The following THSD7B variants were observed in gnomAD, a reference collection of about 807,000 sequenced individuals.
THSD7B encodes thrombospondin type 1 domain containing 7B, also known as thrombospondin type-1 domain-containing protein 7B.
A neutral mutation model predicts 213.6 loss-of-function variants in THSD7B; 138 were observed. The ratio of observed to expected loss-of-function variants is 0.65; its 90% CI spans 0.56 to 0.74. The LOEUF is 0.74. THSD7B is among the 30% of genes least tolerant of loss of function. The pLI is 0.00. For synonymous variants in THSD7B, 742 were observed against 687.0 expected (o/e 1.08, Z -1.25); for missense variants, 1,931 against 1,991.5 (o/e 0.97, Z 0.58).
intron 3 of THSD7B, among the ~76,000 whole-genome samples, chr2:137,066,838 A>G (rs1358465902): frequency 6.6e-6 from 1 of 152,004 alleles, no homozygotes; most frequent in Non-Finnish European, 1.5e-5. Flanking sequence ...GTGTAGTTAC[A>G]TCATTTGTAG....
At chr2:137,454,299 T>G (rs1263872331) in intron 15 of THSD7B, among the ~76,000 whole-genome samples, 1 of 152,176 alleles carries the variant, frequency 6.6e-6, no homozygotes, top group Non-Finnish European at 1.5e-5. Context: ...GGACAATAAG[T>G]CCTTTCTCTC....
intron 2 of THSD7B, among the ~76,000 whole-genome samples, chr2:137,036,857 A>G (rs1384333474): frequency 1.3e-5 from 2 of 152,114 alleles, no homozygotes; most frequent in Non-Finnish European, 2.9e-5. Flanking sequence ...CTGTCCACTT[A>G]TGTCTCATTT....
intron 2 of THSD7B, among the ~76,000 whole-genome samples, chr2:137,043,569 G>C (rs949721052): frequency 6.6e-6 from 1 of 152,150 alleles, no homozygotes; most frequent in Non-Finnish European, 1.5e-5. Flanking sequence ...GGAAGCTTTT[G>C]TTTTAATTAT....
intron 2 of THSD7B, among the ~76,000 whole-genome samples, chr2:136,901,699 G>A (rs1684066481): frequency 6.6e-6 from 1 of 152,278 alleles, no homozygotes; most frequent in South Asian, 2.1e-4. Context: ...TCCCCCCAGG[G>A]AGTTTTATTT....
intron 2 of THSD7B, among the ~76,000 whole-genome samples, chr2:136,906,965 T>TTTTA (rs1491028452): frequency 9.7e-6 from 1 of 102,598 alleles, no homozygotes; most frequent in Non-Finnish European, 1.9e-5. Flanking sequence ...TTTTTTTTTT[T>TTTTA]AGAGGGTCTG....
intron 7 of THSD7B, among the ~76,000 whole-genome samples, chr2:137,223,213 A>G (rs953074007): frequency 6.6e-6 from 1 of 152,244 alleles, no homozygotes. Context: ...GTGGCTGTGA[A>G]GTATGTGGAC....
Position 137,001,792 on chromosome 2 carries a change from C to T in THSD7B, c.140-54628C>T, listed in dbSNP as rs539573304. ...ACCTACTCATTCATTTTCTCACAAC[C>T]AGTCACTTTTCTCCTCTATTTATCA... On this transcript the variant is annotated intron_variant, in intron 2 of 27. Coordinates refer to ENST00000409968, the MANE Select transcript of THSD7B (RefSeq NM_001316349.2). 2.0e-5 allele frequency among the ~76,000 whole-genome samples: 3 copies of T among 152,258 alleles called. No individual in the cohort carries two copies. In the South Asian group the frequency reaches 6.2e-4, roughly 32 times the overall value.
intron 16 of THSD7B, among the ~76,000 whole-genome samples, chr2:137,567,879 T>C (rs1681271354): frequency 2.0e-5 from 3 of 152,160 alleles, no homozygotes; most frequent in South Asian, 2.1e-4. Flanking sequence ...TGGGCACCAT[T>C]AGCTTATAAA....
At chr2:136,931,144 G>A (rs563568) in intron 2 of THSD7B, among the ~76,000 whole-genome samples, 149,950 of 152,214 alleles carry the variant, frequency 0.99, 73,909 homozygotes, top group East Asian at 1. Context: ...GCCCCAAAGT[G>A]GCCCCAAATG....
At chr2:137,419,824 C>A (rs1686885070) in intron 14 of THSD7B, among the ~76,000 whole-genome samples, 1 of 151,870 alleles carries the variant, frequency 6.6e-6, no homozygotes, top group Non-Finnish European at 1.5e-5. Flanking sequence ...ATTTGTCTGC[C>A]TCCTGTCATT....
intron 12 of THSD7B, among the ~76,000 whole-genome samples, chr2:137,341,383 T>G (rs1684757794): frequency 6.6e-6 from 1 of 151,700 alleles, no homozygotes; most frequent in Non-Finnish European, 1.5e-5. Flanking sequence ...TTTTTCTTCA[T>G]AGGTTGTCTC....
At chr2:136,975,410 C>G (rs1407140671) in intron 2 of THSD7B, among the ~76,000 whole-genome samples, 3 of 152,180 alleles carry the variant, frequency 2.0e-5, no homozygotes, top group African/African-American at 7.2e-5. Flanking sequence ...ATAGGGCTAG[C>G]CAGTTCTCCC....
chr2:137,527,346 A>G (rs1444428546), intron 15 of THSD7B, among the ~76,000 whole-genome samples: 1 of 152,076 alleles, frequency 6.6e-6, no homozygotes, highest in African/African-American at 2.4e-5. Context: ...CTAAAAACAG[A>G]TTTCCTGCTA....
intron 1 of THSD7B, among the ~76,000 whole-genome samples, chr2:136,844,493 A>AGG (rs1682970670): frequency 6.7e-6 from 1 of 149,626 alleles, no homozygotes; most frequent in African/African-American, 2.5e-5. Context: ...AGAGAGAGAG[A>AGG]GACAGAGAGA....
chr2:137,461,338 T>C (rs549396964), intron 15 of THSD7B, among the ~76,000 whole-genome samples: 1 of 152,074 alleles, frequency 6.6e-6, no homozygotes, highest in African/African-American at 2.4e-5. Flanking sequence ...TAAATACAGA[T>C]AGTAGATAAT....
At chr2:137,009,736 T>C (rs11891858) in intron 2 of THSD7B, among the ~76,000 whole-genome samples, 58,168 of 151,980 alleles carry the variant, frequency 0.38, 11,278 homozygotes, top group Middle Eastern at 0.46. Context: ...TCAATTATAT[T>C]CCACTGGGTC....
intron 2 of THSD7B, among the ~76,000 whole-genome samples, chr2:136,903,864 G>A (rs1263431656): frequency 3.3e-5 from 5 of 151,968 alleles, no homozygotes; most frequent in Non-Finnish European, 7.4e-5. Flanking sequence ...TCTCAGGATA[G>A]GTGGCAGAAA....
rs760294090 is a variant in THSD7B at position 137,563,366 on chromosome 2, T to C, written c.3272+12T>C. On this transcript the variant is annotated intron_variant, in intron 16 of 27. Coordinates refer to ENST00000409968, the MANE Select transcript of THSD7B (RefSeq NM_001316349.2). Reference sequence around the variant, plus strand: ...TCTAGGAAAATCAGGTGTGTGAAAATGGAGAGATTTGGGAAATAGGGGGAA... The same window carrying C: ...TCTAGGAAAATCAGGTGTGTGAAAACGGAGAGATTTGGGAAATAGGGGGAA... 3 of 1,611,602 alleles carry C rather than the reference T, an allele frequency of 1.9e-6. No homozygotes were observed. Among genetic ancestry groups the C allele is most frequent in the Non-Finnish European group, 1.7e-6 (2 of 1,178,740 alleles).
intron 1 of THSD7B, among the ~76,000 whole-genome samples, chr2:136,855,725 G>A (rs1459944019): frequency 6.6e-6 from 1 of 151,906 alleles, no homozygotes; most frequent in Non-Finnish European, 1.5e-5. Context: ...GCCCGCCTGG[G>A]CCTCCCAAAG....
Sources: gnomAD v4.1 joint callset for allele counts (sites outside exome capture counted in the v4.1 genomes callset) on GRCh38, gnomAD v4.1.1 for gene constraint, MANE v1.5 for transcripts, NCBI Gene and HGNC (gene_info 2026-07-23, HGNC 2026-07-21) for gene names.